JAG2: variants seen among roughly 807,000 people sequenced by gnomAD.
JAG2 encodes the protein jagged canonical Notch ligand 2, also known as protein jagged-2.
In JAG2, 46 loss-of-function variants were observed where a neutral mutation model predicts 141.7. The observed-to-expected ratio is 0.32, with a 90% confidence interval of 0.26 to 0.42. JAG2 has a LOEUF of 0.42. Ranked by LOEUF, JAG2 falls within the 10% of genes least tolerant of loss-of-function variation. The pLI is 1.00. For missense variants in JAG2, 1,500 were observed against 1,817.5 expected, an observed-to-expected ratio of 0.83 and a Z score of 3.18; for synonymous variants, 862 against 763.5, an observed-to-expected ratio of 1.13 and a Z score of -2.13.
chr14:105,155,654 G>A (rs1888558027), intron 4 of JAG2, 32 bp from the exon 5 acceptor site: 17 of 1,612,262 alleles, frequency 1.1e-5, no homozygotes, highest in South Asian at 2.2e-5. Flanking sequence ...AGGCACAGCT[G>A]CAGCCAGCCT....
chr14:105,158,552 C>T (rs1888642719), intron 2 of JAG2, among the ~76,000 whole-genome samples: 1 of 152,144 alleles, frequency 6.6e-6, no homozygotes, highest in Admixed American at 6.5e-5. Context: ...AGGGCTGGCC[C>T]CCTGCTCCGC....
intron 5 of JAG2, 73 bp downstream of exon 5, chr14:105,155,489 C>T: frequency 6.4e-6 from 10 of 1,557,436 alleles, no homozygotes; most frequent in Non-Finnish European, 8.0e-6. Flanking sequence ...CTCCTGACAG[C>T]AAGGCTGTGT....
intron 2 of JAG2, among the ~76,000 whole-genome samples, chr14:105,161,540 T>C (rs1030790373): frequency 1.7e-4 from 26 of 152,084 alleles, no homozygotes; most frequent in African/African-American, 5.6e-4. Flanking sequence ...CGCAGGGACG[T>C]GTGCCTGCCC....
intron 23 of JAG2, 44 bp from the exon 24 acceptor site, chr14:105,145,105 C>T (rs374897570): frequency 6.2e-7 from 1 of 1,605,218 alleles, no homozygotes. Flanking sequence ...GGGCCGTGAA[C>T]CTGACACCTA....
intron 24 of JAG2, among the ~76,000 whole-genome samples, chr14:105,144,037 G>A (rs961781237): frequency 3.3e-5 from 5 of 149,710 alleles, no homozygotes; most frequent in Admixed American, 6.6e-5. Context: ...GTCCCCGTCC[G>A]GGCACACAGG....
chr14:105,152,600 C>T (rs1205321650), intron 5 of JAG2, among the ~76,000 whole-genome samples: 2 of 151,940 alleles, frequency 1.3e-5, no homozygotes, highest in South Asian at 2.1e-4. Flanking sequence ...CCTGCCGGGA[C>T]CCCGGGGATG....
chr14:105,145,919 C>A lies in JAG2; in HGVS notation c.2764G>T (p.Ala922Ser), dbSNP rs754037075. The part of the protein sequence containing the change: ...LLAGQPEALS[A>S]QCPLGQRCLE... Reference sequence around the variant, plus strand: ...CACCTTTGCCCCAGTGGGCACTGGGCGCTCAGGGCCTCGGGCTGGCCGGCC... The same window carrying A: ...CACCTTTGCCCCAGTGGGCACTGGGAGCTCAGGGCCTCGGGCTGGCCGGCC... The change falls in exon 23 of 26, where the codon GCC becomes TCC. Residue 922 changes from alanine (A) to serine (S), a missense_variant. Around this residue, in one of 3 missense-constraint regions of JAG2, gnomAD observed 875 missense variants for 1,202.2 expected, o/e 0.73. Transcript: ENST00000331782. 2 of 1,573,336 alleles carry A rather than the reference C, an allele frequency of 1.3e-6. No homozygotes were observed. The highest frequency in any genetic ancestry group is 1.7e-6 in the Non-Finnish European group (2 of 1,160,692).
chr14:105,156,281 G>C (rs936919927), intron 3 of JAG2, among the ~76,000 whole-genome samples: 4 of 152,186 alleles, frequency 2.6e-5, no homozygotes, highest in African/African-American at 7.2e-5. Flanking sequence ...GAGACCACAG[G>C]CTCCACAGAG....
At chr14:105,143,336 T>C (rs1163910546) in intron 25 of JAG2, 146 bp downstream of exon 25, 2 of 1,283,738 alleles carry the variant, frequency 1.6e-6, no homozygotes, top group African/African-American at 1.5e-5. Context: ...GAAGGTCAGG[T>C]TGTGGGGCTG....
Position 105,143,627 on chromosome 14 carries a change from A to G in JAG2, c.3096T>C (p.Pro1032=). 6.2e-7 allele frequency: 1 copy of G among 1,607,660 alleles called. No individual in the cohort carries two copies. The highest frequency in any genetic ancestry group is 2.2e-5 in the East Asian group (1 of 44,864). Residue 1032 remains proline (P), a synonymous_variant, in exon 25 of 26, where the codon CCT becomes CCC. Transcript: ENST00000331782. ...GGCTGCTGTCAGGCAGGTCCCTGGC[A>G]GGGCTGAAGGACTGCGGCAAAGAAC... ...SAVEVAVSFS[P]ARDLPDSSLI... is the part of the protein sequence containing the mutation.
Position 105,143,643 on chromosome 14 carries a change from G to A in JAG2, c.3085-5C>T, listed in dbSNP as rs1008601336. On this transcript the variant is annotated splice_region_variant and splice_polypyrimidine_tract_variant and intron_variant, in intron 24 of 25. Coordinates refer to ENST00000331782, the MANE Select transcript of JAG2 (RefSeq NM_002226.5). ...GTCCCTGGCAGGGCTGAAGGACTGC[G>A]GCAAAGAACGGCATTGTGGGGATGG... 13 of 1,605,838 alleles carry A rather than the reference G, an allele frequency of 8.1e-6. No homozygotes were observed. The highest frequency in any genetic ancestry group is 2.2e-5 in the East Asian group (1 of 44,868).
Position 105,143,506 on chromosome 14 carries a change from C to A in JAG2, c.3217G>T (p.Val1073Phe), listed in dbSNP as rs750880813. 9 of 1,568,904 alleles carry A rather than the reference C, an allele frequency of 5.7e-6. No individual in the cohort carries two copies. The highest frequency in any genetic ancestry group is 3.3e-4 in the Middle Eastern group (2 of 6,006). The change falls in exon 25 of 26, where the codon GTT becomes TTT. Residue 1073 changes from valine (V) to phenylalanine (F), a missense_variant. This residue lies in a region of JAG2 where 425 missense variants were observed against 441.0 expected (regional missense o/e 0.96). Coordinates refer to ENST00000331782, the MANE Select transcript of JAG2 (RefSeq NM_002226.5). ...CCTGTGGAAGAGCCGCCCGTAACAA[C>A]CGTCTCCACCTTGACCTCGGTGACA... ...LAVTEVKVETVVTGGSSTGLL... is the reference protein window; with the variant it reads ...LAVTEVKVETFVTGGSSTGLL...
At position 105,152,297 on chromosome 14, in the gene JAG2, G is replaced by A. The variant is rs200961148; in HGVS notation, c.789-6C>T. 1.3e-4 allele frequency: 215 copies of A among 1,612,704 alleles called. No homozygotes were observed. In the African/African-American group the frequency reaches 2.6e-3, roughly 19 times the overall value. ...CTTGCCAGCCGTAGCTGCACCTGGG[G>A]GAAGGAGGAGGGGCGCAAGACCCAG... On this transcript the variant is annotated splice_polypyrimidine_tract_variant and splice_region_variant and intron_variant, in intron 5 of 25. Coordinates refer to ENST00000331782, the MANE Select transcript of JAG2 (RefSeq NM_002226.5).
In JAG2 at chr14:105,155,513, C is replaced by T. The variant is rs758175305; in HGVS notation, c.788+49G>A. 9.5e-5 allele frequency: 152 copies of T among 1,601,186 alleles called. No individual in the cohort carries two copies. In the Middle Eastern group the frequency reaches 1.2e-3, roughly 12 times the overall value. On this transcript the variant is annotated intron_variant, in intron 5 of 25. Transcript: ENST00000331782. ...GCAAGGCTGTGTGTGCCAGTGAGGA[C>T]GTGAGGGCAAAGGTTGGGAGGGCAA...
In JAG2 at chr14:105,142,572, T is replaced by C. The variant is rs1172620947; in HGVS notation, c.*123A>G. On this transcript the variant is annotated 3_prime_UTR_variant, in exon 26 of 26. Transcript: ENST00000331782. ...AACGTAGAAAATAAACATTTGGTTT[T>C]TGTTTTTGGTGGTTTTTTTACACAA... The C allele has an allele frequency of 1.5e-5, 10 of 687,126 alleles. No homozygotes were observed. The East Asian group carries it at 2.5e-4, about 17-fold the overall frequency. 42.6% of individuals were successfully genotyped at this position (687,126 alleles called of 1,614,324 possible).
intron 2 of JAG2, among the ~76,000 whole-genome samples, chr14:105,158,152 C>A (rs962107460): frequency 6.6e-6 from 1 of 152,182 alleles, no homozygotes; most frequent in Non-Finnish European, 1.5e-5. Flanking sequence ...CAGCCGGGAC[C>A]CGAGCGTTTC....
rs1481467658 is a variant in JAG2 at position 105,141,160 on chromosome 14, A to G, written c.*1535T>C. On this transcript the variant is annotated 3_prime_UTR_variant, in exon 26 of 26. Transcript: ENST00000331782. ...CCCTCACAGCAGGGTAAAGACTTGCACATCACTGACAGGCGGCTCGGAGTC... is the reference window on the plus strand; with the variant it reads ...CCCTCACAGCAGGGTAAAGACTTGCGCATCACTGACAGGCGGCTCGGAGTC... The G allele has an allele frequency of 6.6e-6, 1 of 152,012 alleles. No individual in the cohort carries two copies. Among genetic ancestry groups the G allele is most frequent in the Non-Finnish European group, 1.5e-5 (1 of 68,018 alleles). 9.4% of individuals were successfully genotyped at this position (152,012 alleles called of 1,614,324 possible). A position where few individuals can be genotyped will look rare whatever the true frequency, so the allele number is the denominator to read the frequency against.
In JAG2 at chr14:105,155,900, G is replaced by A. The variant is rs756337109; in HGVS notation, c.565C>T (p.His189Tyr). Reference protein sequence around the residue: ...KSLHFSGHVAHLELQIRVRCD... With the variant: ...KSLHFSGHVAYLELQIRVRCD... ...CGCACGCGGATCTGCAGCTCCAGGT[G>A]CGCCACGTGGCCGCTGAAGTGCAGG... The change falls in exon 4 of 26, where the codon CAC becomes TAC. Residue 189 changes from histidine (H) to tyrosine (Y), a missense_variant. Around this residue, in one of 3 missense-constraint regions of JAG2, gnomAD observed 875 missense variants for 1,202.2 expected, o/e 0.73. Coordinates refer to ENST00000331782, the MANE Select transcript of JAG2 (RefSeq NM_002226.5). 2.5e-6 allele frequency: 4 copies of A among 1,612,002 alleles called. No individual in the cohort carries two copies. In the Admixed American group the frequency reaches 6.7e-5, roughly 27 times the overall value.
intron 22 of JAG2, 125 bp downstream of exon 22, chr14:105,146,260 T>TC: frequency 1.1e-6 from 1 of 894,352 alleles, no homozygotes; most frequent in Non-Finnish European, 1.8e-6. Context: ...TCCCTGGGTG[T>TC]CCCTGAGGGC....
Sources: gnomAD v4.1 joint callset for allele counts (sites outside exome capture counted in the v4.1 genomes callset) on GRCh38, gnomAD v4.1.1 for gene constraint, gnomAD v4.1.1 regional missense constraint, MANE v1.5 for transcripts, NCBI Gene and HGNC (gene_info 2026-07-23, HGNC 2026-07-21) for gene names.